Variants in APBA1 observed in about 807,000 individuals in gnomAD.
APBA1 encodes amyloid-beta A4 precursor protein-binding family A member 1.
APBA1 carries 55 observed loss-of-function variants against 86.6 expected under a neutral mutation model. That is an observed-to-expected ratio of 0.64 (90% CI 0.51 to 0.80). The LOEUF is 0.80. Ranked by LOEUF, APBA1 falls within the 30% of genes least tolerant of loss-of-function variation. The pLI is 0.00. For missense variants in APBA1, 1,090 were observed against 1,183.0 expected (o/e 0.92, Z 1.15); for synonymous variants, 511 against 493.9 (o/e 1.03, Z -0.46).
intron 1 of APBA1, among the ~76,000 whole-genome samples, chr9:69,604,416 G>A (rs923862148): frequency 1.4e-5 from 2 of 142,716 alleles, no homozygotes; most frequent in African/African-American, 5.3e-5. Flanking sequence ...ACATGAGTGT[G>A]GGCACACATA....
chr9:69,634,771 G>A (rs1204628666), intron 1 of APBA1, among the ~76,000 whole-genome samples: 3 of 152,174 alleles, frequency 2.0e-5, no homozygotes, highest in Admixed American at 2.0e-4. Context: ...AATACATCTG[G>A]CAGCAGACTT....
rs562355332 is a variant in APBA1 at position 69,555,991 on chromosome 9, G to T, written c.-69-38712C>A. On this transcript the variant is annotated intron_variant, in intron 1 of 12. Coordinates refer to ENST00000265381, the MANE Select transcript of APBA1 (RefSeq NM_001163.4). ...AACCTAAAACTGATCAACCCCAAAA[G>T]AGGAAGCAGTTAAGTGGCAACAACA... is the stretch of plus-strand genomic sequence containing the variant. Among the ~76,000 whole-genome samples the T allele has an allele frequency of 6.6e-5, 10 of 152,196 alleles. No individual in the cohort carries two copies. The East Asian group carries it at 1.9e-3, about 29-fold the overall frequency.
intron 2 of APBA1, among the ~76,000 whole-genome samples, chr9:69,476,663 T>C (rs1047845187): frequency 2.0e-5 from 3 of 152,246 alleles, no homozygotes; most frequent in Non-Finnish European, 4.4e-5. Context: ...AAATATTTTG[T>C]CTGATTTAGT....
chr9:69,642,629 G>A (rs1355304997), intron 1 of APBA1, among the ~76,000 whole-genome samples: 4 of 151,960 alleles, frequency 2.6e-5, no homozygotes, highest in Admixed American at 6.6e-5. Flanking sequence ...ATGTTTTTGT[G>A]AAAGAGAGAG....
At chr9:69,571,606 C>T (rs1047987023) in intron 1 of APBA1, among the ~76,000 whole-genome samples, 3 of 152,064 alleles carry the variant, frequency 2.0e-5, no homozygotes, top group Non-Finnish European at 4.4e-5. Context: ...TAAATTATTA[C>T]TTTTCTGAAT....
intron 10 of APBA1, among the ~76,000 whole-genome samples, chr9:69,448,434 GTATAAGA>G (rs1834948222): frequency 6.6e-6 from 1 of 152,122 alleles, no homozygotes; most frequent in Non-Finnish European, 1.5e-5. Flanking sequence ...ATTTATTTAA[GTATAAGA>G]TATAAGAAAA....
intron 2 of APBA1, among the ~76,000 whole-genome samples, chr9:69,498,565 A>G (rs925344347): frequency 1.1e-4 from 17 of 152,170 alleles, no homozygotes; most frequent in African/African-American, 2.4e-4. Context: ...GGCTTGACAA[A>G]GGACTAGCTT....
intron 1 of APBA1, among the ~76,000 whole-genome samples, chr9:69,545,357 T>C (rs964396779): frequency 4.6e-5 from 7 of 152,240 alleles, no homozygotes; most frequent in African/African-American, 1.7e-4. Context: ...CAGTCCCTCA[T>C]ATGGCCAGGC....
At chr9:69,476,636 T>C (rs1254591775) in intron 2 of APBA1, among the ~76,000 whole-genome samples, 1 of 152,212 alleles carries the variant, frequency 6.6e-6, no homozygotes, top group Non-Finnish European at 1.5e-5. Context: ...TGTATTTTCC[T>C]AGTCAATTCA....
At chr9:69,462,150 G>C (rs1835201647) in intron 5 of APBA1, 1 of 152,154 alleles carries the variant, frequency 6.6e-6, no homozygotes, top group South Asian at 2.1e-4. Context: ...AATTGCATTA[G>C]CTTCACAAAT....
Position 69,565,016 on chromosome 9 carries a change from T to C in APBA1, c.-69-47737A>G, listed in dbSNP as rs143882105. 6.1e-4 allele frequency among the ~76,000 whole-genome samples: 93 copies of C among 152,308 alleles called. No individual in the cohort carries two copies. The East Asian group carries it at 0.016, about 26-fold the overall frequency. ...TTAGTGAAAAAGAGGCAGCACAATA[T>C]GTAAGAAGAGAAGGCACATCTTTCT... On this transcript the variant is annotated intron_variant, in intron 1 of 12. Transcript: ENST00000265381.
chr9:69,448,890 A>AACTCC (rs1240389856), intron 10 of APBA1, among the ~76,000 whole-genome samples: 1 of 152,186 alleles, frequency 6.6e-6, no homozygotes, highest in Non-Finnish European at 1.5e-5. Flanking sequence ...GTGCTCAAAA[A>AACTCC]ACTCCACATG....
intron 2 of APBA1, among the ~76,000 whole-genome samples, chr9:69,485,074 C>CA (rs1285524504): frequency 6.6e-6 from 1 of 151,926 alleles, no homozygotes; most frequent in Non-Finnish European, 1.5e-5. Context: ...CCTCAGCCTC[C>CA]AAAAACACTG....
chr9:69,634,427 T>C (rs1280070026), intron 1 of APBA1, among the ~76,000 whole-genome samples: 1 of 152,214 alleles, frequency 6.6e-6, no homozygotes, highest in East Asian at 1.9e-4. Context: ...TAAAGTGTTC[T>C]GAGGTCCTAA....
intron 2 of APBA1, among the ~76,000 whole-genome samples, chr9:69,512,603 T>G (rs1588331653): frequency 6.6e-6 from 1 of 152,196 alleles, no homozygotes; most frequent in East Asian, 1.9e-4. Context: ...TGTTAAAACT[T>G]TATCTGTGCT....
chr9:69,665,429 TC>T (rs1823825152), intron 1 of APBA1, among the ~76,000 whole-genome samples: 1 of 152,234 alleles, frequency 6.6e-6, no homozygotes, highest in East Asian at 1.9e-4. Context: ...CAATTCTGTG[TC>T]CTGTTTGAAA....
rs762780058 is a variant in APBA1 at position 69,431,359 on chromosome 9, G to A, written c.2482C>T (p.Leu828=). The A allele has an allele frequency of 6.2e-7, 1 of 1,612,780 alleles. No homozygotes were observed. The highest frequency in any genetic ancestry group is 2.2e-5 in the East Asian group (1 of 44,746). Residue 828 remains leucine (L), a synonymous_variant, in exon 13 of 13, where the codon CTG becomes TTG. Coordinates refer to ENST00000265381, the MANE Select transcript of APBA1 (RefSeq NM_001163.4). The part of the protein sequence containing the change: ...KTMPAAMYRL[L]TAQEQPVYI ...TAAACAGGCTGCTCCTGGGCCGTCA[G>A]CAGCCTGTACATCGCGGCTGGCATT... is the stretch of plus-strand genomic sequence containing the variant.
chr9:69,445,388 G>A (rs1420365481), intron 10 of APBA1, among the ~76,000 whole-genome samples: 2 of 152,144 alleles, frequency 1.3e-5, no homozygotes, highest in Non-Finnish European at 1.5e-5. Flanking sequence ...TTTCTGAGCT[G>A]CCATTTTATT....
chr9:69,647,007 T>G (rs905030404), intron 1 of APBA1, among the ~76,000 whole-genome samples: 1 of 152,214 alleles, frequency 6.6e-6, no homozygotes, highest in African/African-American at 2.4e-5. Context: ...AGCCCCAGTA[T>G]GCTGCCAATA....
Sources: gnomAD v4.1 joint callset for allele counts (sites outside exome capture counted in the v4.1 genomes callset) on GRCh38, gnomAD v4.1.1 for gene constraint, MANE v1.5 for transcripts, NCBI Gene and HGNC (gene_info 2026-07-23, HGNC 2026-07-21) for gene names.